Variants in NCKAP5 observed in about 807,000 individuals in gnomAD.
NCKAP5 encodes nck-associated protein 5.
NCKAP5 carries 92 observed loss-of-function variants against 167.0 expected under a neutral mutation model. The ratio of observed to expected loss-of-function variants is 0.55; its 90% CI spans 0.47 to 0.66. The LOEUF is 0.66. Among genes scored for constraint, NCKAP5 ranks in the 30% least tolerant of loss-of-function variants. NCKAP5 has a pLI of 0.00. For missense variants in NCKAP5, 2,378 were observed against 2,315.0 expected (o/e 1.03, Z -0.56); for synonymous variants, 891 against 877.4 (o/e 1.02, Z -0.27).
the NCKAP5 span, among the ~76,000 whole-genome samples, chr2:133,647,743 A>G: frequency 6.7e-6 from 1 of 148,576 alleles, no homozygotes; most frequent in African/African-American, 2.5e-5. Context: ...GAAGGAAGGA[A>G]GGAAGGAAAG....
intron 7 of NCKAP5, among the ~76,000 whole-genome samples, chr2:132,977,324 C>A (rs1432057620): frequency 1.3e-5 from 2 of 152,118 alleles, no homozygotes; most frequent in East Asian, 1.9e-4. Flanking sequence ...TATTTTGGCA[C>A]CATAGACATA....
chr2:132,686,353 T>C (rs1479500192), intron 19 of NCKAP5, among the ~76,000 whole-genome samples: 5 of 152,162 alleles, frequency 3.3e-5, no homozygotes, highest in Admixed American at 6.5e-5. Flanking sequence ...CACCCTCTTA[T>C]CACTTGAGAC....
At chr2:132,930,552 G>C (rs1286801219) in intron 8 of NCKAP5, 4 of 152,136 alleles carry the variant, frequency 2.6e-5, no homozygotes, top group Non-Finnish European at 5.9e-5. Context: ...GGAGCTCCCG[G>C]CTCTCAAGCC....
chr2:132,793,157 G>C (rs928865507), intron 12 of NCKAP5, among the ~76,000 whole-genome samples: 1 of 152,176 alleles, frequency 6.6e-6, no homozygotes, highest in Non-Finnish European at 1.5e-5. Flanking sequence ...TTACAGGCAT[G>C]TGCCACCACA....
At chr2:132,896,759 A>T (rs1432477065) in intron 8 of NCKAP5, among the ~76,000 whole-genome samples, 1 of 152,240 alleles carries the variant, frequency 6.6e-6, no homozygotes, top group African/African-American at 2.4e-5. Context: ...TGTCTCATAG[A>T]GAATCTTTTA....
At chr2:132,874,634 A>C (rs907268807) in intron 9 of NCKAP5, among the ~76,000 whole-genome samples, 1 of 152,198 alleles carries the variant, frequency 6.6e-6, no homozygotes, top group Non-Finnish European at 1.5e-5. Context: ...TCTGAAGTGT[A>C]GAGGTTGGAA....
intron 6 of NCKAP5, among the ~76,000 whole-genome samples, chr2:133,058,252 T>A (rs1005964612): frequency 6.6e-5 from 10 of 152,222 alleles, no homozygotes; most frequent in Non-Finnish European, 1.5e-4. Context: ...ATCCATTCTG[T>A]AGCCCATGGA....
At chr2:133,066,000 CA>C (rs1488899831) in intron 6 of NCKAP5, among the ~76,000 whole-genome samples, 1 of 152,158 alleles carries the variant, frequency 6.6e-6, no homozygotes, top group African/African-American at 2.4e-5. Flanking sequence ...CAGGTTCAAG[CA>C]AAATCTAAGG....
chr2:133,022,039 C>A (rs2078547265), intron 6 of NCKAP5, among the ~76,000 whole-genome samples: 2 of 152,200 alleles, frequency 1.3e-5, no homozygotes, highest in Non-Finnish European at 2.9e-5. Flanking sequence ...CCGGACCTAG[C>A]ATCTGGCTTC....
At chr2:132,885,208 A>C (rs1404202504) in intron 8 of NCKAP5, among the ~76,000 whole-genome samples, 2 of 152,194 alleles carry the variant, frequency 1.3e-5, no homozygotes. Context: ...GAGAAAAAAA[A>C]AACAGGAAAA....
At chr2:133,429,666 T>C (rs1397173542) in intron 3 of NCKAP5, among the ~76,000 whole-genome samples, 1 of 150,810 alleles carries the variant, frequency 6.6e-6, no homozygotes, top group East Asian at 1.9e-4. Flanking sequence ...TATGGCTGCA[T>C]AGTATTCCAC....
chr2:132,753,893 A>G (rs779980865), intron 16 of NCKAP5, among the ~76,000 whole-genome samples: 41 of 152,124 alleles, frequency 2.7e-4, no homozygotes, highest in Non-Finnish European at 1.3e-4. Context: ...TCTTTGCCCA[A>G]AGGTAACAGC....
intron 6 of NCKAP5, among the ~76,000 whole-genome samples, chr2:133,064,500 A>G (rs535098930): frequency 5.3e-5 from 8 of 152,232 alleles, no homozygotes; most frequent in Non-Finnish European, 1.2e-4. Flanking sequence ...ACTGAAAAAA[A>G]AAACAGATTA....
chr2:132,735,570 G>A (rs1691431291), intron 16 of NCKAP5, among the ~76,000 whole-genome samples: 1 of 152,124 alleles, frequency 6.6e-6, no homozygotes, highest in Non-Finnish European at 1.5e-5. Flanking sequence ...CTAGCGTCAG[G>A]TATTTCTTTA....
intron 3 of NCKAP5, among the ~76,000 whole-genome samples, chr2:133,405,427 A>T (rs1317563183): frequency 1.3e-5 from 2 of 152,218 alleles, no homozygotes; most frequent in Non-Finnish European, 2.9e-5. Context: ...CAGTGACATC[A>T]ACCAAAAGCA....
the NCKAP5 span, among the ~76,000 whole-genome samples, chr2:133,603,579 T>C: frequency 1.3e-5 from 2 of 151,202 alleles, no homozygotes; most frequent in African/African-American, 4.9e-5. Flanking sequence ...CTTGCTCTTG[T>C]TGCCCAGGCT....
At chr2:133,671,653 G>A in the NCKAP5 span, among the ~76,000 whole-genome samples, 1 of 151,930 alleles carries the variant, frequency 6.6e-6, no homozygotes, top group East Asian at 1.9e-4. Flanking sequence ...CTCAACCTTG[G>A]ACTTCCCAGA....
the NCKAP5 span, among the ~76,000 whole-genome samples, chr2:133,600,006 C>T: frequency 0.018 from 2,760 of 152,318 alleles, 53 homozygotes; most frequent in Non-Finnish European, 0.023. Flanking sequence ...CAACTTCTGT[C>T]GGCTCCCCTG....
At chr2:133,025,061 T>C (rs2078650062) in intron 6 of NCKAP5, among the ~76,000 whole-genome samples, 1 of 152,216 alleles carries the variant, frequency 6.6e-6, no homozygotes, top group South Asian at 2.1e-4. Context: ...GATGAATTAG[T>C]CCAATTACCA....
Sources: allele counts gnomAD v4.1 joint callset (sites outside exome capture counted in the v4.1 genomes callset), GRCh38; gene constraint gnomAD v4.1.1; transcripts MANE v1.5; gene names NCBI Gene and HGNC (gene_info 2026-07-23, HGNC 2026-07-21).